ATP8B1: variants seen among roughly 807,000 people sequenced by gnomAD.
The protein encoded by ATP8B1 is phospholipid-transporting ATPase IC.
In ATP8B1, 80 loss-of-function variants were observed where a neutral mutation model predicts 149.9. That is an observed-to-expected ratio of 0.53 (90% CI 0.45 to 0.64). ATP8B1 has a LOEUF of 0.64. Among genes scored for constraint, ATP8B1 ranks in the 30% least tolerant of loss-of-function variants. The pLI is 0.00. For missense variants in ATP8B1, 1,247 were observed against 1,552.6 expected (o/e 0.80, Z 3.31); for synonymous variants, 536 against 562.8 (o/e 0.95, Z 0.67).
rs10622264 is a variant in ATP8B1 at position 57,712,048 on chromosome 18, C to CATATATATATAT, written c.182-5473_182-5462dup. Among the ~76,000 whole-genome samples, 24 of 144,390 alleles carry CATATATATATAT rather than the reference C, an allele frequency of 1.7e-4. 1 individual carries two copies. Among genetic ancestry groups the CATATATATATAT allele is most frequent in the African/African-American group, 6.1e-4 (23 of 37,452 alleles). The allele number at this position is 144,390 out of a possible 152,430, so 94.7% of individuals were successfully genotyped here. ...TGATTCCTCTCCTTCCCTCTATTGG[C>CATATATATATAT]ATATATATATATATATATATGGCGA... On this transcript the variant is annotated intron_variant, in intron 2 of 27. Coordinates refer to ENST00000648908, the MANE Select transcript of ATP8B1 (RefSeq NM_001374385.1).
At chr18:57,752,832 C>A (rs2080035571) in intron 1 of ATP8B1, among the ~76,000 whole-genome samples, 1 of 152,044 alleles carries the variant, frequency 6.6e-6, no homozygotes, top group African/African-American at 2.4e-5. Flanking sequence ...CTCCATTGCC[C>A]AGAACAGCAT....
rs201532178 is a variant in ATP8B1, at chr18:57,692,006, C to T, written c.1030-9G>A. The T allele has an allele frequency of 3.6e-5, 58 of 1,608,798 alleles. No individual in the cohort carries two copies. In the African/African-American group the frequency reaches 6.7e-4, roughly 19 times the overall value. On this transcript the variant is annotated splice_polypyrimidine_tract_variant and intron_variant, in intron 11 of 27. Transcript: ENST00000648908. ...ATAAGAACAACAAAGATCTAGAAGA[C>T]AGAAAACATTTAAATGCATTCTGAA...
intron 15 of ATP8B1, among the ~76,000 whole-genome samples, chr18:57,683,003 A>G (rs1007539507): frequency 4.6e-5 from 7 of 151,812 alleles, no homozygotes; most frequent in Admixed American, 3.3e-4. Context: ...AATTTTTTGT[A>G]TTTTTTGGTG....
At chr18:57,787,650 G>C (rs904874145) in intron 1 of ATP8B1, among the ~76,000 whole-genome samples, 1 of 152,180 alleles carries the variant, frequency 6.6e-6, no homozygotes, top group African/African-American at 2.4e-5. Flanking sequence ...TTGGCTTTTA[G>C]AGCCCATTGG....
chr18:57,668,138 C>T (rs1252135616), intron 19 of ATP8B1: 1 of 1,361,874 alleles, frequency 7.3e-7, no homozygotes, highest in South Asian at 1.2e-5. Context: ...AGGGATGGCC[C>T]TTTCAGGACG....
intron 2 of ATP8B1, among the ~76,000 whole-genome samples, chr18:57,713,155 T>TCC (rs1913766643): frequency 1.5e-5 from 2 of 129,264 alleles, no homozygotes; most frequent in Admixed American, 8.0e-5. Flanking sequence ...CTCTTGATCT[T>TCC]TCTCTTTCTT....
At chr18:57,765,591 C>G (rs2080204042) in intron 1 of ATP8B1, among the ~76,000 whole-genome samples, 1 of 151,664 alleles carries the variant, frequency 6.6e-6, no homozygotes, top group African/African-American at 2.4e-5. Context: ...ATTGCTTGAA[C>G]CCAGGAGGTG....
chr18:57,790,723 T>C (rs2080456719), intron 1 of ATP8B1, among the ~76,000 whole-genome samples: 1 of 152,170 alleles, frequency 6.6e-6, no homozygotes, highest in South Asian at 2.1e-4. Flanking sequence ...ACTACTTTTA[T>C]TTTATTTATT....
At chr18:57,652,009 A>G (rs1909652319) in intron 26 of ATP8B1, 25 bp downstream of exon 26, 1 of 1,604,166 alleles carries the variant, frequency 6.2e-7, no homozygotes, top group Non-Finnish European at 8.5e-7. Flanking sequence ...CTGTACATTT[A>G]TTTTTGGAAT....
chr18:57,701,391 C>T lies in ATP8B1; in HGVS notation c.394-78G>A, dbSNP rs1913114796. On this transcript the variant is annotated intron_variant, in intron 4 of 27. Coordinates refer to ENST00000648908, the MANE Select transcript of ATP8B1 (RefSeq NM_001374385.1). ...CAGGTAACTTATTGCTAATTCTAAG[C>T]TTGCTAATTCCAAGTCTCATCACCG... 7 of 1,264,744 alleles carry T rather than the reference C, an allele frequency of 5.5e-6. No individual in the cohort carries two copies. The South Asian group carries it at 7.4e-5, about 13-fold the overall frequency. The allele number at this position is 1,264,744 out of a possible 1,614,324, so 78.3% of individuals were successfully genotyped here.
Position 57,648,431 on chromosome 18 carries a change from T to G in ATP8B1, c.*57A>C. On this transcript the variant is annotated 3_prime_UTR_variant, in exon 28 of 28. Coordinates refer to ENST00000648908, the MANE Select transcript of ATP8B1 (RefSeq NM_001374385.1). ...ACACACACACACAAAGTCCTGAGAG[T>G]CTTTCATAAAAAAATAGACGTGCTT... 1 of 1,566,656 alleles carries G rather than the reference T, an allele frequency of 6.4e-7. No homozygotes were observed. The highest frequency in any genetic ancestry group is 2.2e-5 in the East Asian group (1 of 44,656).
chr18:57,676,399 T>G (rs1004926253), intron 15 of ATP8B1, among the ~76,000 whole-genome samples: 3 of 150,436 alleles, frequency 2.0e-5, no homozygotes, highest in Non-Finnish European at 4.4e-5. Context: ...CATAGCTATA[T>G]TCTCCTTATT....
chr18:57,707,797 G>A (rs1474316304), intron 2 of ATP8B1, among the ~76,000 whole-genome samples: 1 of 151,630 alleles, frequency 6.6e-6, no homozygotes, highest in Non-Finnish European at 1.5e-5. Context: ...GTGAGCCACT[G>A]TGCCTGGCAA....
At chr18:57,710,648 A>G (rs1913643328) in intron 2 of ATP8B1, among the ~76,000 whole-genome samples, 1 of 152,196 alleles carries the variant, frequency 6.6e-6, no homozygotes, top group Admixed American at 6.5e-5. Flanking sequence ...GACAGTTCAT[A>G]CAAAGGGAAA....
chr18:57,756,404 G>A (rs2080084957), intron 1 of ATP8B1, among the ~76,000 whole-genome samples: 1 of 150,530 alleles, frequency 6.6e-6, no homozygotes, highest in South Asian at 2.1e-4. Flanking sequence ...GGGTTCAAGC[G>A]ATTCTTGTGC....
intron 21 of ATP8B1, among the ~76,000 whole-genome samples, 173 bp from the exon 22 acceptor site, chr18:57,661,635 G>GTATATACACACGCACACA (rs1478442563): frequency 1.1e-4 from 13 of 123,242 alleles, no homozygotes; most frequent in African/African-American, 3.9e-4. Context: ...GCGTGTGTAT[G>GTATATACACACGCACACA]TATATACACA....
intron 2 of ATP8B1, among the ~76,000 whole-genome samples, chr18:57,730,810 T>A (rs2079755472): frequency 3.2e-4 from 1 of 3,134 alleles, no homozygotes; most frequent in Admixed American, 5.4e-3. Context: ...TACATATATA[T>A]ATATATATAT....
intron 1 of ATP8B1, among the ~76,000 whole-genome samples, chr18:57,800,435 A>G (rs1253390569): frequency 1.3e-5 from 2 of 152,230 alleles, no homozygotes; most frequent in African/African-American, 2.4e-5. Flanking sequence ...AGTAACCGAC[A>G]CTAAAGAGCA....
intron 2 of ATP8B1, among the ~76,000 whole-genome samples, chr18:57,713,201 TTCCTTCCTTCC>T (rs1568207522): frequency 1.0e-3 from 73 of 71,044 alleles, no homozygotes; most frequent in Non-Finnish European, 1.7e-3. Flanking sequence ...CTTTCTTTCC[TTCCTTCCTTCC>T]TTCCTTCCTT....
Sources: gnomAD v4.1 joint callset for allele counts (sites outside exome capture counted in the v4.1 genomes callset) on GRCh38, gnomAD v4.1.1 for gene constraint, MANE v1.5 for transcripts, NCBI Gene and HGNC (gene_info 2026-07-23, HGNC 2026-07-21) for gene names.